The following SORCS2 variants were observed in gnomAD, a reference collection of about 807,000 sequenced individuals.
SORCS2 encodes the protein VPS10 domain-containing receptor SorCS2.
Under a neutral mutation model 141.6 loss-of-function variants are expected in SORCS2, and 100 were observed. The observed-to-expected ratio is 0.71, with a 90% CI of 0.60 to 0.83. SORCS2 has a LOEUF of 0.83. SORCS2 is among the 40% of genes least tolerant of loss of function. The pLI, the probability that SORCS2 is intolerant of heterozygous loss-of-function variation, is 0.00. For synonymous variants in SORCS2, 789 were observed against 676.9 expected, an observed-to-expected ratio of 1.17 and a Z score of -2.57; for missense variants, 1,646 against 1,560.2, an observed-to-expected ratio of 1.05 and a Z score of -0.93.
intron 16 of SORCS2, among the ~76,000 whole-genome samples, chr4:7,714,654 G>A (rs561286468): frequency 6.6e-6 from 1 of 152,300 alleles, no homozygotes; most frequent in African/African-American, 2.4e-5. Flanking sequence ...ACAGGTCAGG[G>A]CATCTTGGGG....
intron 3 of SORCS2, among the ~76,000 whole-genome samples, chr4:7,631,743 G>A (rs757575932): frequency 1.3e-5 from 2 of 152,148 alleles, no homozygotes; most frequent in Non-Finnish European, 2.9e-5. Flanking sequence ...ATGGGCTGAG[G>A]GGCCAAGAGG....
chr4:7,336,732 G>C (rs1720012167), intron 1 of SORCS2, among the ~76,000 whole-genome samples: 1 of 151,746 alleles, frequency 6.6e-6, no homozygotes, highest in South Asian at 2.1e-4. Flanking sequence ...AGCGCCAGTA[G>C]CACCTTGGGT....
chr4:7,588,827 CTT>C (rs754402404), intron 3 of SORCS2, among the ~76,000 whole-genome samples: 2 of 152,178 alleles, frequency 1.3e-5, no homozygotes, highest in Non-Finnish European at 2.9e-5. Flanking sequence ...ATGAGCAAGA[CTT>C]TTTTTGGTAT....
Position 7,450,026 on chromosome 4 carries a change from G to A in SORCS2, c.548+53671G>A, listed in dbSNP as rs79451441. Reference sequence around the variant, plus strand: ...GCCCCTGGGACACGTGGGGCTGGGCGTTTTCCTGTGTCTTGTCAGGGTTTC... The same window carrying A: ...GCCCCTGGGACACGTGGGGCTGGGCATTTTCCTGTGTCTTGTCAGGGTTTC... On this transcript the variant is annotated intron_variant, in intron 2 of 26. Transcript: ENST00000507866. Among the ~76,000 whole-genome samples, 1,091 of 152,332 alleles carry A rather than the reference G, an allele frequency of 7.2e-3. 2 individuals carry two copies. Among genetic ancestry groups the A allele is most frequent in the Non-Finnish European group, 0.011 (717 of 68,022 alleles).
chr4:7,250,764 G>A (rs1342889779), intron 1 of SORCS2, among the ~76,000 whole-genome samples: 2 of 152,274 alleles, frequency 1.3e-5, no homozygotes, highest in Non-Finnish European at 2.9e-5. Flanking sequence ...AGTTGGGGCT[G>A]CTTGAAAGTG....
Position 7,245,959 on chromosome 4 carries a change from C to T in SORCS2, c.480+52833C>T, listed in dbSNP as rs761959151. On this transcript the variant is annotated intron_variant, in intron 1 of 26. Coordinates refer to ENST00000507866, the MANE Select transcript of SORCS2 (RefSeq NM_020777.3). Reference sequence around the variant, plus strand: ...AATGTTGCATGTCACAGACTGGCGGCGTTTGGTACCCAGCCTTGCCGTGAT... The same window carrying T: ...AATGTTGCATGTCACAGACTGGCGGTGTTTGGTACCCAGCCTTGCCGTGAT... 3.9e-5 allele frequency among the ~76,000 whole-genome samples: 6 copies of T among 152,248 alleles called. No individual in the cohort carries two copies. In the East Asian group the frequency reaches 7.7e-4, roughly 20 times the overall value.
At chr4:7,684,834 C>T (rs1723773565) in intron 10 of SORCS2, among the ~76,000 whole-genome samples, 2 of 152,160 alleles carry the variant, frequency 1.3e-5, no homozygotes, top group Admixed American at 6.5e-5. Context: ...CCACCACCAG[C>T]CCCAGTGTTG....
intron 3 of SORCS2, among the ~76,000 whole-genome samples, chr4:7,610,592 G>T (rs889128938): frequency 2.6e-5 from 4 of 152,180 alleles, no homozygotes; most frequent in Non-Finnish European, 5.9e-5. Flanking sequence ...GTGGGGCTTG[G>T]GGGGGTCCTT....
Position 7,303,523 on chromosome 4 carries a change from C to G in SORCS2, c.481-92765C>G, listed in dbSNP as rs1482064508. On this transcript the variant is annotated intron_variant, in intron 1 of 26. Coordinates refer to ENST00000507866, the MANE Select transcript of SORCS2 (RefSeq NM_020777.3). ...CAAATTCTCCAGGTCAACTCTGGTT[C>G]TTTCTTTCAGTGTTTTTATCTACGC... Among the ~76,000 whole-genome samples, 7 of 152,164 alleles carry G rather than the reference C, an allele frequency of 4.6e-5. No homozygotes were observed. In the East Asian group the frequency reaches 1.3e-3, roughly 29 times the overall value.
At chr4:7,296,046 G>A (rs1302752850) in intron 1 of SORCS2, among the ~76,000 whole-genome samples, 1 of 152,194 alleles carries the variant, frequency 6.6e-6, no homozygotes, top group Non-Finnish European at 1.5e-5. Flanking sequence ...TCCGTGCTGG[G>A]GGCCACAGGG....
chr4:7,253,419 G>C lies in SORCS2; in HGVS notation c.480+60293G>C, dbSNP rs35138160. On this transcript the variant is annotated intron_variant, in intron 1 of 26. Coordinates refer to ENST00000507866, the MANE Select transcript of SORCS2 (RefSeq NM_020777.3). ...GAGCAGTGACACGGGCCGTCCCCCTGTTCTCATTAGGGATCTGTAGCTCAT... is the reference window on the plus strand; with the variant it reads ...GAGCAGTGACACGGGCCGTCCCCCTCTTCTCATTAGGGATCTGTAGCTCAT... Among the ~76,000 whole-genome samples, 998 of 152,296 alleles carry C rather than the reference G, an allele frequency of 6.6e-3. 10 individuals are homozygous for C. Among genetic ancestry groups the C allele is most frequent in the African/African-American group, 0.023 (939 of 41,524 alleles).
chr4:7,235,980 T>C (rs1712240826), intron 1 of SORCS2, among the ~76,000 whole-genome samples: 1 of 152,142 alleles, frequency 6.6e-6, no homozygotes, highest in Non-Finnish European at 1.5e-5. Flanking sequence ...CTTTACTAGA[T>C]GCTGAAGATG....
intron 3 of SORCS2, among the ~76,000 whole-genome samples, chr4:7,539,819 C>G (rs1712443605): frequency 6.6e-6 from 1 of 150,604 alleles, no homozygotes; most frequent in Non-Finnish European, 1.5e-5. Context: ...CTGTGGAGGC[C>G]CCACCCCTTC....
chr4:7,641,977 T>C (rs1053356689), intron 4 of SORCS2, among the ~76,000 whole-genome samples: 5 of 141,754 alleles, frequency 3.5e-5, no homozygotes, highest in African/African-American at 1.3e-4. Context: ...GATGGGTGGA[T>C]GGTGGATGGA....
At chr4:7,278,433 C>A (rs754870690) in intron 1 of SORCS2, among the ~76,000 whole-genome samples, 1 of 152,154 alleles carries the variant, frequency 6.6e-6, no homozygotes, top group Non-Finnish European at 1.5e-5. Flanking sequence ...TTGCGATGTC[C>A]CAAGAGTTGT....
chr4:7,662,305 G>A lies in SORCS2; in HGVS notation c.952+741G>A, dbSNP rs1377315996. ...TTACCGTTCTGTGTTGATAACCAGG[G>A]CAACAGCTCAGGGGCAGTCCAGGTT... On this transcript the variant is annotated intron_variant, in intron 6 of 26. Coordinates refer to ENST00000507866, the MANE Select transcript of SORCS2 (RefSeq NM_020777.3). Among the ~76,000 whole-genome samples the A allele has an allele frequency of 2.7e-5, 4 of 149,628 alleles. No individual in the cohort carries two copies. In the East Asian group the frequency reaches 6.1e-4, roughly 23 times the overall value.
intron 2 of SORCS2, among the ~76,000 whole-genome samples, chr4:7,470,952 T>C (rs1729939119): frequency 5.7e-5 from 1 of 17,664 alleles, no homozygotes; most frequent in African/African-American, 1.0e-4. Flanking sequence ...TGGGTGGGAG[T>C]AGTGACAAGA....
rs538871270 is a variant in SORCS2, at chr4:7,446,281, G to A, written c.548+49926G>A. 3.3e-5 allele frequency among the ~76,000 whole-genome samples: 5 copies of A among 152,240 alleles called. No homozygotes were observed. The South Asian group carries it at 6.2e-4, about 19-fold the overall frequency. ...GTGAGTTGGAGGGACACAAGCACTC[G>A]GCCCTATGCCCCACCCACCCCAGGA... On this transcript the variant is annotated intron_variant, in intron 2 of 26. Coordinates refer to ENST00000507866, the MANE Select transcript of SORCS2 (RefSeq NM_020777.3).
intron 2 of SORCS2, among the ~76,000 whole-genome samples, chr4:7,428,499 G>C (rs1234499071): frequency 6.6e-6 from 1 of 152,212 alleles, no homozygotes; most frequent in African/African-American, 2.4e-5. Flanking sequence ...GTCAGTTATG[G>C]GGCCGAGGGC....
Sources: allele counts gnomAD v4.1 joint callset (sites outside exome capture counted in the v4.1 genomes callset), GRCh38; gene constraint gnomAD v4.1.1; transcripts MANE v1.5; gene names NCBI Gene and HGNC (gene_info 2026-07-23, HGNC 2026-07-21).